Variants in ARHGEF28 observed in about 807,000 individuals in gnomAD.
The protein encoded by ARHGEF28 is Rho guanine nucleotide exchange factor 28.
A neutral mutation model predicts 206.6 loss-of-function variants in ARHGEF28; 152 were observed. The ratio of observed to expected loss-of-function variants is 0.74; its 90% CI spans 0.64 to 0.84. The LOEUF is 0.84. Among genes scored for constraint, ARHGEF28 ranks in the 40% least tolerant of loss-of-function variants. The probability of loss-of-function intolerance (pLI) is 0.00; values close to 1 mark genes in which losing one functional copy is unlikely to be tolerated. For missense variants in ARHGEF28, 2,028 were observed against 2,073.2 expected, an observed-to-expected ratio of 0.98 and a Z score of 0.42; for synonymous variants, 763 against 776.4, an observed-to-expected ratio of 0.98 and a Z score of 0.29.
intron 22 of ARHGEF28, among the ~76,000 whole-genome samples, chr5:73,881,824 G>T (rs1467826863): frequency 6.6e-6 from 1 of 152,154 alleles, no homozygotes; most frequent in Non-Finnish European, 1.5e-5. Flanking sequence ...TTTTCTACAG[G>T]TAAGGCTTAT....
At chr5:73,933,822 A>G (rs1764266648) in intron 35 of ARHGEF28, among the ~76,000 whole-genome samples, 1 of 152,090 alleles carries the variant, frequency 6.6e-6, no homozygotes, top group Admixed American at 6.5e-5. Flanking sequence ...TTTCTGTAAC[A>G]TAACCACAAT....
intron 31 of ARHGEF28, chr5:73,902,220 G>A (rs954413602): frequency 3.9e-5 from 6 of 152,142 alleles, no homozygotes; most frequent in African/African-American, 1.2e-4. Context: ...TTAAACTTCA[G>A]AGGCCAAAAT....
intron 2 of ARHGEF28, among the ~76,000 whole-genome samples, chr5:73,730,262 A>T (rs954834234): frequency 2.6e-5 from 4 of 152,152 alleles, no homozygotes; most frequent in African/African-American, 9.7e-5. Context: ...TATGTTGTAT[A>T]TATCTGTGAC....
intron 24 of ARHGEF28, among the ~76,000 whole-genome samples, chr5:73,884,372 A>G (rs1219402453): frequency 6.6e-6 from 1 of 152,224 alleles, no homozygotes; most frequent in Non-Finnish European, 1.5e-5. Context: ...CTATGAATGC[A>G]CATGGCTGGT....
At chr5:73,910,381 CAAAAAAAAAAA>C (rs60086897) in intron 34 of ARHGEF28, among the ~76,000 whole-genome samples, 3 of 31,002 alleles carry the variant, frequency 9.7e-5, no homozygotes, top group East Asian at 3.0e-3. Context: ...AACACCATCT[CAAAAAAAAAAA>C]AAAAAAAAAA....
At chr5:73,890,260 C>T (rs952987098) in intron 26 of ARHGEF28, among the ~76,000 whole-genome samples, 1 of 152,228 alleles carries the variant, frequency 6.6e-6, no homozygotes, top group Non-Finnish European at 1.5e-5. Context: ...CCTGCCACCT[C>T]CCCTCCCCTG....
intron 2 of ARHGEF28, among the ~76,000 whole-genome samples, chr5:73,732,015 CTT>C (rs530373615): frequency 1.3e-3 from 175 of 130,530 alleles, no homozygotes; most frequent in African/African-American, 1.9e-3. Context: ...ATTTAGTGAA[CTT>C]TTTTTTTTTT....
intron 24 of ARHGEF28, 92 bp from the exon 25 acceptor site, chr5:73,885,758 C>A: frequency 7.8e-7 from 1 of 1,282,058 alleles, no homozygotes; most frequent in Non-Finnish European, 1.0e-6. Flanking sequence ...ATACATTTAA[C>A]TATATTTTAA....
At chr5:73,781,998 C>T (rs538210193) in intron 7 of ARHGEF28, among the ~76,000 whole-genome samples, 6 of 152,086 alleles carry the variant, frequency 3.9e-5, no homozygotes, top group East Asian at 3.9e-4. Context: ...TATGACAAGG[C>T]GCTTGTTCCT....
chr5:73,908,312 C>T (rs1378875884), intron 33 of ARHGEF28: 4 of 152,122 alleles, frequency 2.6e-5, no homozygotes, highest in African/African-American at 9.7e-5. Context: ...AACTGCTGAG[C>T]TGACAAAGAA....
intron 22 of ARHGEF28, among the ~76,000 whole-genome samples, chr5:73,881,052 G>A (rs971329626): frequency 1.8e-5 from 2 of 112,750 alleles, no homozygotes; most frequent in African/African-American, 7.0e-5. Context: ...TTTTTTTTTT[G>A]TCTATGGCTG....
intron 4 of ARHGEF28, among the ~76,000 whole-genome samples, 194 bp from the exon 5 acceptor site, chr5:73,773,661 G>C (rs573936749): frequency 6.6e-6 from 1 of 152,320 alleles, no homozygotes; most frequent in South Asian, 2.1e-4. Flanking sequence ...AGCACCTACT[G>C]CCTACCTGGG....
chr5:73,756,584 T>C (rs1752323079), intron 4 of ARHGEF28, among the ~76,000 whole-genome samples: 1 of 152,328 alleles, frequency 6.6e-6, no homozygotes, highest in Non-Finnish European at 1.5e-5. Context: ...CACCATGTGT[T>C]TAAATCTCTG....
At chr5:73,681,974 T>C (rs1214187557) in intron 1 of ARHGEF28, among the ~76,000 whole-genome samples, 2 of 152,054 alleles carry the variant, frequency 1.3e-5, no homozygotes, top group Non-Finnish European at 2.9e-5. Context: ...ATCTTAACCA[T>C]GTGGGAGGCT....
At chr5:73,671,165 T>G (rs1456543759) in intron 1 of ARHGEF28, among the ~76,000 whole-genome samples, 5 of 152,240 alleles carry the variant, frequency 3.3e-5, no homozygotes, top group Admixed American at 2.0e-4. Flanking sequence ...TAATGTTGCA[T>G]TAATTTCCAG....
At chr5:73,744,199 A>G (rs989739394) in intron 2 of ARHGEF28, among the ~76,000 whole-genome samples, 6 of 152,186 alleles carry the variant, frequency 3.9e-5, no homozygotes, top group South Asian at 2.1e-4. Context: ...ATAAGAAATA[A>G]TATTTGCATC....
At chr5:73,643,127 T>A (rs187716484) in intron 1 of ARHGEF28, among the ~76,000 whole-genome samples, 1 of 152,330 alleles carries the variant, frequency 6.6e-6, no homozygotes, top group Admixed American at 6.5e-5. Context: ...AACAGTACAT[T>A]TAAATGGTAG....
intron 35 of ARHGEF28, among the ~76,000 whole-genome samples, chr5:73,931,468 T>C (rs1764113533): frequency 1.3e-5 from 2 of 152,200 alleles, no homozygotes; most frequent in Non-Finnish European, 2.9e-5. Flanking sequence ...CTGTTGCTGG[T>C]TGGAAATTGG....
intron 20 of ARHGEF28, among the ~76,000 whole-genome samples, chr5:73,868,972 T>G (rs1759892161): frequency 6.6e-6 from 1 of 152,068 alleles, no homozygotes; most frequent in Non-Finnish European, 1.5e-5. Context: ...AAAGCATATT[T>G]TATAGAGCAG....
Sources: allele counts gnomAD v4.1 joint callset (sites outside exome capture counted in the v4.1 genomes callset), GRCh38; gene constraint gnomAD v4.1.1; transcripts MANE v1.5; gene names NCBI Gene and HGNC (gene_info 2026-07-23, HGNC 2026-07-21).